OBSL1: variants seen among roughly 807,000 people sequenced by gnomAD.
OBSL1 encodes obscurin-like protein 1.
A neutral mutation model predicts 172.0 loss-of-function variants in OBSL1; 160 were observed. The observed-to-expected ratio is 0.93, with a 90% CI of 0.82 to 1.06. The LOEUF is 1.06. OBSL1 is among the 50% of genes least tolerant of loss of function. OBSL1 has a pLI of 0.00. For synonymous variants in OBSL1, 1,200 were observed against 1,196.3 expected, an observed-to-expected ratio of 1.00 and a Z score of -0.06; for missense variants, 2,681 against 2,715.4, an observed-to-expected ratio of 0.99 and a Z score of 0.28.
chr2:219,568,398 G>A lies in OBSL1; in HGVS notation c.1013-74C>T, dbSNP rs990182783. 1.0e-5 allele frequency: 14 copies of A among 1,375,552 alleles called. No homozygotes were observed. Among genetic ancestry groups the A allele is most frequent in the Admixed American group, 4.5e-5 (2 of 44,784 alleles). The allele number at this position is 1,375,552 out of a possible 1,614,324, so 85.2% of individuals were successfully genotyped here. On this transcript the variant is annotated intron_variant, in intron 1 of 20. Coordinates refer to ENST00000404537, the MANE Select transcript of OBSL1 (RefSeq NM_015311.3). This position sits in a 1 kb window ranked among gnomAD's most constrained non-coding sequence, Gnocchi z 4.1. ...GACTAGGAGTAGGATACCTAGAAGCGCATTAGCTCATGCTGTGTGCTCTTC... is the reference window on the plus strand; with the variant it reads ...GACTAGGAGTAGGATACCTAGAAGCACATTAGCTCATGCTGTGTGCTCTTC...
At chr2:219,564,046 A>ACAGC (rs1484076131) in intron 6 of OBSL1, among the ~76,000 whole-genome samples, 3 of 152,194 alleles carry the variant, frequency 2.0e-5, no homozygotes, top group Non-Finnish European at 4.4e-5. Context: ...CAACAGTGAG[A>ACAGC]CAGCCACTCT....
At position 219,554,393 on chromosome 2, in the gene OBSL1, C is replaced by G. The variant is rs905280524; in HGVS notation, c.4876+81G>C. On this transcript the variant is annotated intron_variant, in intron 15 of 20. Transcript: ENST00000404537. ...ACAGGCATGGTCAGTGGGGGTCACA[C>G]GAGTTGGGGGTCAGTATTCATGCCT... The G allele has an allele frequency of 2.0e-6, 3 of 1,512,048 alleles. No individual in the cohort carries two copies. The African/African-American group carries it at 4.1e-5, about 21-fold the overall frequency. The allele number at this position is 1,512,048 out of a possible 1,614,324, so 93.7% of individuals were successfully genotyped here. A position where few individuals can be genotyped will look rare whatever the true frequency, so the allele number is the denominator to read the frequency against.
Position 219,557,890 on chromosome 2 carries a change from C to T in OBSL1, c.3723G>A (p.Gly1241=). ...CIQAAGPAHA[G]LYTCQSGAAP... is the part of the protein sequence containing the mutation. ...CTGCTCCAGACTGGCAGGTGTAGAG[C>T]CCTGCATGGGCTGGGCCTGCAGCCT... The change falls in exon 11 of 21, where the codon GGG becomes GGA. Residue 1241 remains glycine, a synonymous_variant. Transcript: ENST00000404537. 6.2e-7 allele frequency: 1 copy of T among 1,601,464 alleles called. No individual in the cohort carries two copies. Among genetic ancestry groups the T allele is most frequent in the Non-Finnish European group, 8.5e-7 (1 of 1,179,680 alleles).
At chr2:219,547,951 A>T (rs139462854), downstream of OBSL1, 145 of 1,590,472 alleles carry the variant, frequency 9.1e-5, no homozygotes, top group Non-Finnish European at 1.2e-4. Flanking sequence ...TGGTGGAGCG[A>T]CTCCGGGCTG....
Position 219,568,356 on chromosome 2 carries a change from G to T in OBSL1, c.1013-32C>A. On this transcript the variant is annotated intron_variant, in intron 1 of 20. Coordinates refer to ENST00000404537, the MANE Select transcript of OBSL1 (RefSeq NM_015311.3). The surrounding 1 kb of genome is among the most constrained non-coding windows in gnomAD (Gnocchi z 4.1). ...AGAGGGGAGAGAGAGACAAGAGAGG[G>T]CTCTGGAGAAGGCCCAGACTAGGAG... The T allele has an allele frequency of 6.4e-7, 1 of 1,572,124 alleles. No individual in the cohort carries two copies. Among genetic ancestry groups the T allele is most frequent in the East Asian group, 2.3e-5 (1 of 43,726 alleles).
Position 219,570,526 on chromosome 2 carries a change from T to C in OBSL1, c.707A>G (p.Asp236Gly), listed in dbSNP as rs1697268884. Residue 236 changes from aspartate (D) to glycine (G), a missense_variant, in exon 1 of 21, where the codon GAC becomes GGC. Asp to Gly is a moderately conservative substitution (Grantham distance 94). This residue lies in a region of OBSL1 where 706 missense variants were observed against 695.8 expected (regional missense o/e 1.01). Coordinates refer to ENST00000404537, the MANE Select transcript of OBSL1 (RefSeq NM_015311.3). ...VHQPPESPPA[D>G]PDEAPAPVVE... Reference sequence around the variant, plus strand: ...CACCGGCGCGGGGGCCTCGTCGGGGTCCGCGGGCGGGCTCTCGGGGGGCTG... The same window carrying C: ...CACCGGCGCGGGGGCCTCGTCGGGGCCCGCGGGCGGGCTCTCGGGGGGCTG... 6.2e-7 allele frequency: 1 copy of C among 1,607,010 alleles called. No homozygotes were observed. Among genetic ancestry groups the C allele is most frequent in the Non-Finnish European group, 8.5e-7 (1 of 1,177,444 alleles).
chr2:219,551,059 G>T, intron 20 of OBSL1: 1 of 1,429,360 alleles, frequency 7.0e-7, no homozygotes. Context: ...TGGGATTTGG[G>T]ATAGAAGGTG....
At chr2:219,554,326 G>A (rs1695844420) in intron 15 of OBSL1, 148 bp downstream of exon 15, 2 of 985,062 alleles carry the variant, frequency 2.0e-6, no homozygotes, top group African/African-American at 3.2e-5. Flanking sequence ...TGAGTCAGGG[G>A]GATCACACTC....
chr2:219,556,047 G>A lies in OBSL1; in HGVS notation c.4582C>T (p.Arg1528Cys), dbSNP rs765149186. ...CTCACGCTGAGCCTGGCCAGGGTGC[G>A]ATCGTGGTGGCTCTCGCAGCCGTAG... The part of the protein sequence containing the change: ...GTYGCESHHD[R>C]TLARLSVRPR... Residue 1528 changes from arginine (R) to cysteine (C), a missense_variant, in exon 14 of 21, where the codon CGC becomes TGC. By Grantham distance (180) the Arg-to-Cys change is radical. Transcript: ENST00000404537. 14 of 1,613,558 alleles carry A rather than the reference G, an allele frequency of 8.7e-6. No individual in the cohort carries two copies. Among genetic ancestry groups the A allele is most frequent in the Middle Eastern group, 1.6e-4 (1 of 6,084 alleles).
At chr2:219,560,809 A>G (rs543819392) in intron 8 of OBSL1, among the ~76,000 whole-genome samples, 1 of 152,304 alleles carries the variant, frequency 6.6e-6, no homozygotes, top group African/African-American at 2.4e-5. Context: ...GAGAGACCAG[A>G]ATGCAGCTGC....
At chr2:219,566,378 CAA>C (rs542803567) in intron 5 of OBSL1, among the ~76,000 whole-genome samples, 10 of 131,400 alleles carry the variant, frequency 7.6e-5, no homozygotes, top group Admixed American at 7.7e-5. Context: ...GACTCTATCT[CAA>C]AAAAAAAAAA....
At chr2:219,570,193 C>T in intron 1 of OBSL1, 28 bp downstream of exon 1, 1 of 1,501,174 alleles carries the variant, frequency 6.7e-7, no homozygotes, top group Non-Finnish European at 8.9e-7. Context: ...ACTCGAGGCC[C>T]CTCCCTAGGT....
chr2:219,552,101 CAGGTGCTT>C lies in OBSL1; in HGVS notation c.5413+3_5413+10del. On this transcript the variant is annotated splice_donor_5th_base_variant and intron_variant, in intron 19 of 20. Transcript: ENST00000404537. ...TGTACACTCTCTGTCGCTCCCACCC[CAGGTGCTT>C]ACCCTCCACTTCCAGTAGAGCCAGG... is the stretch of plus-strand genomic sequence containing the variant. 6.2e-7 allele frequency: 1 copy of C among 1,600,188 alleles called. No homozygotes were observed. The highest frequency in any genetic ancestry group is 8.5e-7 in the Non-Finnish European group (1 of 1,173,500).
At position 219,571,280 on chromosome 2, in the gene OBSL1, G is replaced by A; in HGVS notation, c.-48C>T. On this transcript the variant is annotated 5_prime_UTR_variant, in exon 1 of 21. Transcript: ENST00000404537. ...CGGCGAACGGTGGGGGGGCAGGGGG[G>A]GGTGCGGAGGGCGAGCCGAGGCCCG... The A allele has an allele frequency of 9.6e-7, 1 of 1,042,940 alleles. No homozygotes were observed. The highest frequency in any genetic ancestry group is 1.2e-6 in the Non-Finnish European group (1 of 812,204). 64.6% of individuals were successfully genotyped at this position (1,042,940 alleles called of 1,614,324 possible). A position where few individuals can be genotyped will look rare whatever the true frequency, so the allele number is the denominator to read the frequency against.
intron 14 of OBSL1, 84 bp from the exon 15 acceptor site, chr2:219,554,824 C>T: frequency 7.0e-7 from 1 of 1,434,558 alleles, no homozygotes; most frequent in Admixed American, 2.4e-5. Context: ...CTTGGCCCTG[C>T]CTACACCCCT....
chr2:219,557,101 C>G, intron 12 of OBSL1: 1 of 498,980 alleles, frequency 2.0e-6, no homozygotes, highest in Non-Finnish European at 3.5e-6. Flanking sequence ...GGCACAGAAT[C>G]TAGGCTGGAA....
Position 219,551,586 on chromosome 2 carries a change from C to G in OBSL1, c.5626G>C (p.Gly1876Arg). The stretch of plus-strand genomic sequence containing the variant: ...TGGCCGGCCTGGCAGCAGTAAGTGC[C>G]TTGGTCCTCAGGTCGAACGTCATGG... ...VIHDVRPEDQGTYCCQAGQDS... is the reference protein window; with the variant it reads ...VIHDVRPEDQRTYCCQAGQDS... Residue 1876 changes from glycine (G) to arginine (R), a missense_variant, in exon 20 of 21, where the codon GGC becomes CGC. Coordinates refer to ENST00000404537, the MANE Select transcript of OBSL1 (RefSeq NM_015311.3). The G allele has an allele frequency of 6.2e-7, 1 of 1,608,414 alleles. No individual in the cohort carries two copies. The highest frequency in any genetic ancestry group is 8.5e-7 in the Non-Finnish European group (1 of 1,177,656).
chr2:219,562,748 C>T, intron 7 of OBSL1, 74 bp from the exon 8 acceptor site: 2 of 1,461,200 alleles, frequency 1.4e-6, no homozygotes, highest in Non-Finnish European at 1.8e-6. Flanking sequence ...GTTGTGTTCC[C>T]TACCCCTGGA....
chr2:219,558,687 C>T lies in OBSL1; in HGVS notation c.3227-228G>A, dbSNP rs116720530. On this transcript the variant is annotated intron_variant, in intron 9 of 20. Coordinates refer to ENST00000404537, the MANE Select transcript of OBSL1 (RefSeq NM_015311.3). Reference sequence around the variant, plus strand: ...AGGTGCACAGCTGCTGGCTGCACTTCATGGCTGAGGACCTGAGGCCTCTTT... The same window carrying T: ...AGGTGCACAGCTGCTGGCTGCACTTTATGGCTGAGGACCTGAGGCCTCTTT... Among the ~76,000 whole-genome samples the T allele has an allele frequency of 2.9e-3, 442 of 152,342 alleles. 1 individual carries two copies. Among genetic ancestry groups the T allele is most frequent in the African/African-American group, 0.01 (419 of 41,572 alleles).
Sources: gnomAD v4.1 joint callset for allele counts (sites outside exome capture counted in the v4.1 genomes callset) on GRCh38, gnomAD v4.1.1 for gene constraint, gnomAD v4.1.1 regional missense constraint, Gnocchi (gnomAD v3.1) non-coding constraint, MANE v1.5 for transcripts, NCBI Gene and HGNC (gene_info 2026-07-23, HGNC 2026-07-21) for gene names.